The following DLGAP2 variants were observed in gnomAD, a reference collection of about 807,000 sequenced individuals.
The protein encoded by DLGAP2 is DLG associated protein 2, also known as disks large-associated protein 2.
Under a neutral mutation model 100.3 loss-of-function variants are expected in DLGAP2, and 26 were observed. The ratio of observed to expected loss-of-function variants is 0.26; its 90% CI spans 0.19 to 0.36. DLGAP2 has a LOEUF of 0.36. DLGAP2 is among the 10% of genes least tolerant of loss of function. The pLI is 1.00. For missense variants in DLGAP2, 1,858 were observed against 1,453.2 expected, an observed-to-expected ratio of 1.28 and a Z score of -4.53; for synonymous variants, 886 against 630.1, an observed-to-expected ratio of 1.41 and a Z score of -6.08.
intron 3 of DLGAP2, among the ~76,000 whole-genome samples, chr8:1,488,928 C>T (rs1387609653): frequency 6.6e-6 from 1 of 152,186 alleles, no homozygotes; most frequent in African/African-American, 2.4e-5. Flanking sequence ...GTCATCCCCA[C>T]AGCTACCATT....
chr8:1,166,313 G>C (rs1797015289), intron 2 of DLGAP2, among the ~76,000 whole-genome samples: 2 of 152,144 alleles, frequency 1.3e-5, no homozygotes, highest in African/African-American at 4.8e-5. Context: ...TATTCCCGAG[G>C]CCCCGGCCTA....
chr8:1,266,935 G>A (rs1342231227), intron 3 of DLGAP2, among the ~76,000 whole-genome samples: 2 of 152,160 alleles, frequency 1.3e-5, no homozygotes, highest in East Asian at 3.9e-4. Flanking sequence ...GTAATAGTTT[G>A]TATTAAAAAT....
intron 3 of DLGAP2, among the ~76,000 whole-genome samples, chr8:1,335,084 G>A (rs1225146279): frequency 6.6e-6 from 1 of 152,186 alleles, no homozygotes; most frequent in African/African-American, 2.4e-5. Context: ...TAGGAACCAT[G>A]GTCTGACGTT....
At chr8:1,235,116 ATGGCGTCGTGTCTGCTTCCCTCACACG>A (rs1798618320) in intron 2 of DLGAP2, among the ~76,000 whole-genome samples, 1 of 25,914 alleles carries the variant, frequency 3.9e-5, no homozygotes, top group Non-Finnish European at 1.0e-4. Flanking sequence ...TCTCTCACAC[ATGGCGTCGTGTCTGCTTCCCTCACACG>A]TGGCGTCGTG....
At chr8:1,442,782 C>G (rs1465231890) in intron 3 of DLGAP2, among the ~76,000 whole-genome samples, 3 of 148,990 alleles carry the variant, frequency 2.0e-5, no homozygotes, top group Non-Finnish European at 4.4e-5. Flanking sequence ...CATAGACCCA[C>G]CAGGCTGCTG....
chr8:1,549,811 C>A (rs995459897), intron 5 of DLGAP2, 128 bp downstream of exon 5: 2 of 1,072,582 alleles, frequency 1.9e-6, no homozygotes, highest in Middle Eastern at 3.1e-4. Flanking sequence ...TTCTGAGCTA[C>A]GGATATGTTC....
chr8:1,118,545 A>G (rs1795953993), intron 2 of DLGAP2, among the ~76,000 whole-genome samples: 2 of 128,532 alleles, frequency 1.6e-5, no homozygotes, highest in African/African-American at 5.8e-5. Flanking sequence ...ATAGAAATGA[A>G]TGGGGCTGCT....
intron 2 of DLGAP2, among the ~76,000 whole-genome samples, chr8:1,197,816 TC>T (rs1797785389): frequency 1.3e-5 from 2 of 152,180 alleles, no homozygotes; most frequent in African/African-American, 4.8e-5. Flanking sequence ...CTCCTGGGCC[TC>T]CTGCAGCGTT....
chr8:1,147,904 A>C (rs1796634602), intron 2 of DLGAP2, among the ~76,000 whole-genome samples: 1 of 152,218 alleles, frequency 6.6e-6, no homozygotes, highest in African/African-American at 2.4e-5. Context: ...TGTTTTATTT[A>C]GTGTTTTTCT....
At chr8:1,002,629 G>T (rs2129018455) in intron 2 of DLGAP2, 1 of 152,348 alleles carries the variant, frequency 6.6e-6, no homozygotes, top group South Asian at 2.1e-4. Context: ...GACGCCCTGT[G>T]GGGTGGCTGT....
intron 6 of DLGAP2, among the ~76,000 whole-genome samples, chr8:1,586,949 G>T (rs1297007123): frequency 6.6e-6 from 1 of 152,192 alleles, no homozygotes; most frequent in Non-Finnish European, 1.5e-5. Context: ...ATTCTGACTA[G>T]AATGGAGGTC....
Position 1,007,227 on chromosome 8 carries a change from C to T in DLGAP2, c.73+99261C>T, listed in dbSNP as rs527575455. Among the ~76,000 whole-genome samples the T allele has an allele frequency of 7.2e-5, 11 of 152,280 alleles. No individual in the cohort carries two copies. In the East Asian group the frequency reaches 1.9e-3, roughly 27 times the overall value. On this transcript the variant is annotated intron_variant, in intron 2 of 14. Transcript: ENST00000637795. ...ACCGTGCATCTCAAGTCTTAGGATA[C>T]GGTCAGTCCCACACTCTTCACGTGT...
At chr8:1,698,687 G>T (rs1799479529) in intron 14 of DLGAP2, among the ~76,000 whole-genome samples, 1 of 151,718 alleles carries the variant, frequency 6.6e-6, no homozygotes, top group Non-Finnish European at 1.5e-5. Flanking sequence ...AGCCATGCAT[G>T]GGACTAGGCA....
chr8:1,605,968 T>C (rs1796782787), intron 6 of DLGAP2, among the ~76,000 whole-genome samples: 1 of 152,202 alleles, frequency 6.6e-6, no homozygotes, highest in South Asian at 2.1e-4. Flanking sequence ...TTTCTCTTCT[T>C]GTTAAAGCAA....
At chr8:1,106,687 A>G (rs767806732) in intron 2 of DLGAP2, among the ~76,000 whole-genome samples, 3 of 149,066 alleles carry the variant, frequency 2.0e-5, no homozygotes, top group Non-Finnish European at 4.5e-5. Flanking sequence ...AGGGTTTTCT[A>G]CTGAAGGAGG....
intron 3 of DLGAP2, among the ~76,000 whole-genome samples, chr8:1,349,158 A>C (rs1801643027): frequency 6.6e-6 from 1 of 151,098 alleles, no homozygotes; most frequent in Admixed American, 6.6e-5. Flanking sequence ...CCGTTCACCT[A>C]AACAGACACA....
Position 1,464,355 on chromosome 8 carries a change from TTCCAG to T in DLGAP2, c.107-37010_107-37006del, listed in dbSNP as rs1336057803. Among the ~76,000 whole-genome samples the T allele has an allele frequency of 4.6e-3, 686 of 148,444 alleles. 49 individuals are homozygous for T. The highest frequency in any genetic ancestry group is 7.0e-3 in the Middle Eastern group (2 of 284). On this transcript the variant is annotated intron_variant, in intron 3 of 14. Transcript: ENST00000637795. Reference sequence around the variant, plus strand: ...ACGGCACCCTTCCAGGACGGCACCCTTCCAGGACAACGCCCTTCCAGGATGGCACC... The same window carrying T: ...ACGGCACCCTTCCAGGACGGCACCCTGACAACGCCCTTCCAGGATGGCACC...
intron 1 of DLGAP2, among the ~76,000 whole-genome samples, chr8:848,231 G>A (rs951087335): frequency 6.6e-6 from 1 of 152,222 alleles, no homozygotes; most frequent in African/African-American, 2.4e-5. Flanking sequence ...ATCAATAGTT[G>A]ATTTTTATAA....
chr8:1,017,774 GTCTGA>G (rs1801509627), intron 2 of DLGAP2, among the ~76,000 whole-genome samples: 1 of 151,970 alleles, frequency 6.6e-6, no homozygotes, highest in African/African-American at 2.4e-5. Context: ...GGGTAGACTC[GTCTGA>G]GTGCAAGTGG....
Sources: allele counts gnomAD v4.1 joint callset (sites outside exome capture counted in the v4.1 genomes callset), GRCh38; gene constraint gnomAD v4.1.1; transcripts MANE v1.5; gene names NCBI Gene and HGNC (gene_info 2026-07-23, HGNC 2026-07-21).